The following CEP170B variants were observed in gnomAD, a reference collection of about 807,000 sequenced individuals.
CEP170B encodes centrosomal protein of 170 kDa protein B.
CEP170B carries 55 observed loss-of-function variants against 120.6 expected under a neutral mutation model. The observed-to-expected ratio is 0.46, with a 90% confidence interval of 0.37 to 0.57. The LOEUF (loss-of-function observed/expected upper bound fraction) is 0.57. CEP170B is among the 20% of genes least tolerant of loss of function. CEP170B has a pLI of 0.00. For synonymous variants in CEP170B, 1,033 were observed against 954.5 expected (o/e 1.08, Z -1.52); for missense variants, 2,212 against 2,253.3 (o/e 0.98, Z 0.37).
intron 6 of CEP170B, 58 bp from the exon 7 acceptor site, chr14:104,882,656 GGCTGCCAGTTCTCT>G (rs900741382): frequency 4.7e-6 from 6 of 1,269,944 alleles, no homozygotes; most frequent in Middle Eastern, 1.9e-4. Flanking sequence ...GCCTCTCCTG[GGCTGCCAGTTCTCT>G]GCTTTTCACA....
At position 104,878,105 on chromosome 14, in the gene CEP170B, C is replaced by T; in HGVS notation, c.274+142C>T. 6 of 711,418 alleles carry T rather than the reference C, an allele frequency of 8.4e-6. No individual in the cohort carries two copies. The South Asian group carries it at 8.9e-5, about 11-fold the overall frequency. 44.1% of individuals were successfully genotyped at this position (711,418 alleles called of 1,614,324 possible). A position where few individuals can be genotyped will look rare whatever the true frequency, so the allele number is the denominator to read the frequency against. On this transcript the variant is annotated intron_variant, in intron 4 of 18. Transcript: ENST00000414716. ...CCAAGGATGACCCTAGGGCTGGGCT[C>T]CACCTGCTGATGGAGCACCCCAAGG...
rs769933746 is a variant in CEP170B, at chr14:104,885,413, G to A, written c.1815G>A (p.Ser605=). The change falls in exon 10 of 19, where the codon TCG becomes TCA. Residue 605 remains serine (S), a synonymous_variant. Coordinates refer to ENST00000414716, the MANE Select transcript of CEP170B (RefSeq NM_001112726.3). The part of the protein sequence containing the change: ...LESPELSRAS[S]ATFRPVIRGD... ...CCCCTGAACTCTCCAGGGCATCTTC[G>A]GCCACCTTTCGCCCAGTCATCAGAG... 7 of 1,568,178 alleles carry A rather than the reference G, an allele frequency of 4.5e-6. No individual in the cohort carries two copies. The highest frequency in any genetic ancestry group is 2.4e-5 in the East Asian group (1 of 42,420).
At chr14:104,878,635 C>T in intron 5 of CEP170B, 134 bp downstream of exon 5, 4 of 914,090 alleles carry the variant, frequency 4.4e-6, no homozygotes, top group Non-Finnish European at 6.7e-6. Flanking sequence ...CTGCGGGTGC[C>T]ATGAGTCAGG....
In CEP170B at chr14:104,883,465, C is replaced by T. The variant is rs1896271901; in HGVS notation, c.1008C>T (p.His336=). The change falls in exon 8 of 19, where the codon CAC becomes CAT. Residue 336 remains histidine (H), a synonymous_variant. Coordinates refer to ENST00000414716, the MANE Select transcript of CEP170B (RefSeq NM_001112726.3). ...LHRVGPGDDR[H]STKSDLPVHT... ...GGGTTGGCCCTGGGGATGACCGCCACAGCACCAAGAGCGACCTGCCTGTCC... is the reference window on the plus strand; with the variant it reads ...GGGTTGGCCCTGGGGATGACCGCCATAGCACCAAGAGCGACCTGCCTGTCC... 1 of 1,559,668 alleles carries T rather than the reference C, an allele frequency of 6.4e-7. No homozygotes were observed. Among genetic ancestry groups the T allele is most frequent in the Non-Finnish European group, 8.7e-7 (1 of 1,153,150 alleles).
rs1463208945 is a variant in CEP170B at position 104,887,360 on chromosome 14, C to T, written c.3121C>T (p.Leu1041=). Residue 1041 remains leucine (L), a synonymous_variant, in exon 12 of 19, where the codon CTG becomes TTG. Transcript: ENST00000414716. ...IRRGHRPRGS[L]DWPSEERGPV... ...GCGTGGCCACAGGCCCCGAGGGTCC[C>T]TGGATTGGCCCAGTGAGGAGCGTGG... 6.2e-7 allele frequency: 1 copy of T among 1,611,878 alleles called. No homozygotes were observed. Among genetic ancestry groups the T allele is most frequent in the Admixed American group, 1.7e-5 (1 of 59,936 alleles).
At chr14:104,872,549 C>T (rs1895631341) in intron 2 of CEP170B, among the ~76,000 whole-genome samples, 1 of 151,310 alleles carries the variant, frequency 6.6e-6, no homozygotes, top group African/African-American at 2.4e-5. Flanking sequence ...TAGGTGCACA[C>T]ATCTGTGTGT....
intron 13 of CEP170B, among the ~76,000 whole-genome samples, chr14:104,892,093 GGGGT>G (rs1896877321): frequency 6.6e-6 from 1 of 152,156 alleles, no homozygotes; most frequent in African/African-American, 2.4e-5. Context: ...GAGGAGGCTT[GGGGT>G]GGGGCCTGTC....
At chr14:104,885,938 G>T in intron 10 of CEP170B, 102 bp from the exon 11 acceptor site, 1 of 1,040,722 alleles carries the variant, frequency 9.6e-7, no homozygotes, top group South Asian at 1.7e-5. Flanking sequence ...GCATGCGTGG[G>T]GCTGGTGTTG....
Position 104,887,183 on chromosome 14 carries a change from C to G in CEP170B, c.2944C>G (p.Gln982Glu). The change falls in exon 12 of 19, where the codon CAG (glutamine) becomes GAG (glutamate). Residue 982 changes from glutamine to glutamate, a missense_variant. Coordinates refer to ENST00000414716, the MANE Select transcript of CEP170B (RefSeq NM_001112726.3). ...CACAACCCCCCAGCCTCTGCGGGCA[C>G]AGAAGGAGATGTCGCCATCCCCGCC... The part of the protein sequence containing the change: ...SPTTPQPLRA[Q>E]KEMSPSPPAA... The G allele has an allele frequency of 6.2e-7, 1 of 1,607,276 alleles. No homozygotes were observed. The highest frequency in any genetic ancestry group is 8.5e-7 in the Non-Finnish European group (1 of 1,179,736).
At chr14:104,878,097 G>A in intron 4 of CEP170B, 134 bp downstream of exon 4, 2 of 738,786 alleles carry the variant, frequency 2.7e-6, no homozygotes, top group South Asian at 3.5e-5. Flanking sequence ...TGACCCTAGG[G>A]CTGGGCTCCA....
At chr14:104,893,471 C>T in intron 14 of CEP170B, 52 bp from the exon 15 acceptor site, 1 of 1,564,366 alleles carries the variant, frequency 6.4e-7, no homozygotes, top group South Asian at 1.2e-5. Context: ...GCAGCCACAG[C>T]CTGGCAGGAG....
At chr14:104,866,575 G>C (rs957490906) in intron 1 of CEP170B, among the ~76,000 whole-genome samples, 1 of 152,174 alleles carries the variant, frequency 6.6e-6, no homozygotes, top group African/African-American at 2.4e-5. Context: ...AGAGTGAGAG[G>C]GTCCTGGCTG....
At chr14:104,884,662 G>A (rs1896363554) in intron 9 of CEP170B, 113 bp downstream of exon 9, 1 of 807,000 alleles carries the variant, frequency 1.2e-6, no homozygotes, top group Non-Finnish European at 1.8e-6. Context: ...CGATGCCGGG[G>A]GTGGCGAGTG....
chr14:104,880,203 G>A, intron 5 of CEP170B, 84 bp from the exon 6 acceptor site: 1 of 1,518,622 alleles, frequency 6.6e-7, no homozygotes, highest in Non-Finnish European at 8.9e-7. Flanking sequence ...GGGCCCTCTG[G>A]ATGGAGAGGA....
chr14:104,872,830 G>A (rs952436294), intron 2 of CEP170B, among the ~76,000 whole-genome samples: 1 of 152,258 alleles, frequency 6.6e-6, no homozygotes, highest in African/African-American at 2.4e-5. Flanking sequence ...CCCAGAGGGC[G>A]TCAGACGTGA....
upstream of CEP170B, among the ~76,000 whole-genome samples, chr14:104,865,098 C>T (rs1465970214): frequency 6.6e-6 from 1 of 150,900 alleles, no homozygotes; most frequent in Non-Finnish European, 1.5e-5. The surrounding 1 kb of genome is among the most constrained non-coding windows in gnomAD (Gnocchi z 6.7). Flanking sequence ...AAGCCTCTGC[C>T]GACCGGACCA....
intron 2 of CEP170B, among the ~76,000 whole-genome samples, chr14:104,872,498 GT>G (rs1183622575): frequency 2.0e-5 from 3 of 151,136 alleles, no homozygotes; most frequent in Admixed American, 6.6e-5. Context: ...CCGTGTGTGT[GT>G]GCGTGTGTAA....
At chr14:104,878,833 C>T (rs1360492389) in intron 5 of CEP170B, among the ~76,000 whole-genome samples, 1 of 152,222 alleles carries the variant, frequency 6.6e-6, no homozygotes, top group Non-Finnish European at 1.5e-5. Flanking sequence ...TGCTGGAGCT[C>T]CTGGGCTTTC....
rs551976755 is a variant in CEP170B at position 104,874,656 on chromosome 14, A to G, written c.106-1600A>G. On this transcript the variant is annotated intron_variant, in intron 2 of 18. Transcript: ENST00000414716. ...TGGGCTCCTCGCCACCCTCCACTGT[A>G]GTCCCTGCCCCCGGTCCTCCACTGC... Among the ~76,000 whole-genome samples, 12 of 151,864 alleles carry G rather than the reference A, an allele frequency of 7.9e-5. No homozygotes were observed. The South Asian group carries it at 2.5e-3, about 32-fold the overall frequency.
Sources: gnomAD v4.1 joint callset for allele counts (sites outside exome capture counted in the v4.1 genomes callset) on GRCh38, gnomAD v4.1.1 for gene constraint, Gnocchi (gnomAD v3.1) non-coding constraint, MANE v1.5 for transcripts, NCBI Gene and HGNC (gene_info 2026-07-23, HGNC 2026-07-21) for gene names.